CCT6A: variants seen among roughly 807,000 people sequenced by gnomAD.
CCT6A encodes T-complex protein 1 subunit zeta.
CCT6A carries 6 observed loss-of-function variants against 58.6 expected under a neutral mutation model. The ratio of observed to expected loss-of-function variants is 0.10; its 90% CI spans 0.06 to 0.20. The LOEUF (loss-of-function observed/expected upper bound fraction) is 0.20, where lower values mean the gene tolerates loss of function less well. CCT6A is among the 10% of genes least tolerant of loss of function. The pLI, the probability that CCT6A is intolerant of heterozygous loss-of-function variation, is 1.00. For synonymous variants in CCT6A, 245 were observed against 227.8 expected (o/e 1.08, Z -0.68); for missense variants, 516 against 648.8 (o/e 0.80, Z 2.22).
intron 6 of CCT6A, 45 bp from the exon 7 acceptor site, chr7:56,058,313 GCTTT>G: frequency 1.4e-6 from 2 of 1,384,562 alleles, no homozygotes; most frequent in Non-Finnish European, 9.9e-7. Context: ...TTCAGAAGCT[GCTTT>G]CTTAATGTTT....
chr7:56,059,248 A>C (rs1290892849), intron 8 of CCT6A, among the ~76,000 whole-genome samples: 1 of 151,812 alleles, frequency 6.6e-6, no homozygotes, highest in Non-Finnish European at 1.5e-5. Context: ...TGATCCACCC[A>C]CCTCAACCTC....
chr7:56,057,357 T>G (rs1237295539), intron 5 of CCT6A, among the ~76,000 whole-genome samples: 2 of 132,742 alleles, frequency 1.5e-5, no homozygotes, highest in Non-Finnish European at 3.5e-5. Flanking sequence ...TGTTTTCCCT[T>G]TGGGGTGTGT....
chr7:56,058,723 T>C, intron 8 of CCT6A, 21 bp downstream of exon 8: 1 of 1,410,108 alleles, frequency 7.1e-7, no homozygotes, highest in Non-Finnish European at 9.9e-7. Context: ...AATTTGACTT[T>C]TACTCATTTT....
chr7:56,052,103 C>T (rs1293626177), intron 1 of CCT6A, 118 bp downstream of exon 1: 2 of 910,810 alleles, frequency 2.2e-6, no homozygotes, highest in Non-Finnish European at 3.0e-6. Flanking sequence ...TCCTTCTCGG[C>T]GTCCTCCGGG....
intron 2 of CCT6A, among the ~76,000 whole-genome samples, chr7:56,052,997 T>A (rs1483019671): frequency 2.0e-5 from 3 of 152,194 alleles, no homozygotes; most frequent in African/African-American, 7.2e-5. Context: ...TTTCACCGTG[T>A]TGGCCAGGCT....
rs2117316678 is a variant in CCT6A, at chr7:56,051,926, A to G, written c.78A>G (p.Ala26=). 1.3e-6 allele frequency: 2 copies of G among 1,550,262 alleles called. No homozygotes were observed. Among genetic ancestry groups the G allele is most frequent in the East Asian group, 2.5e-5 (1 of 40,766 alleles). Residue 26 remains alanine, a synonymous_variant, in exon 1 of 14, where the codon GCA becomes GCG. Transcript: ENST00000275603. ...CGGCGCTGGCGGTCAACATCAGCGC[A>G]GCGCGGGGTCTGCAGGACGTGCTAA... The part of the protein sequence containing the change: ...AQAALAVNIS[A]ARGLQDVLRT...
rs372041889 is a variant in CCT6A, at chr7:56,062,762, T to G, written c.1523+7T>G. On this transcript the variant is annotated splice_region_variant and intron_variant, in intron 13 of 13. Coordinates refer to ENST00000275603, the MANE Select transcript of CCT6A (RefSeq NM_001762.4). ...AACAGCTTCTTCACTCCTGGTAAGT[T>G]TGGGAAAATGAAAACTAAACTGTTA... 31 of 1,602,456 alleles carry G rather than the reference T, an allele frequency of 1.9e-5. No homozygotes were observed. In the African/African-American group the frequency reaches 3.8e-4, roughly 19 times the overall value.
At chr7:56,054,525 G>A (rs779835837) in intron 3 of CCT6A, 22 bp downstream of exon 3, 1 of 1,595,904 alleles carries the variant, frequency 6.3e-7, no homozygotes, top group Non-Finnish European at 8.5e-7. Context: ...TCTTGTTTCT[G>A]TAATTTTTTT....
chr7:56,062,240 A>G (rs1278359524), intron 12 of CCT6A, among the ~76,000 whole-genome samples: 2 of 152,254 alleles, frequency 1.3e-5, no homozygotes, highest in Non-Finnish European at 2.9e-5. Context: ...GGATGTAGAA[A>G]TCTAGTGAAA....
chr7:56,057,053 C>T (rs1332614602), intron 5 of CCT6A, among the ~76,000 whole-genome samples: 1 of 151,944 alleles, frequency 6.6e-6, no homozygotes, highest in Admixed American at 6.6e-5. Context: ...CCTCGGCCTC[C>T]CAAAGTGCTG....
Position 56,061,761 on chromosome 7 carries a change from C to G in CCT6A, c.1362C>G (p.Asn454Lys). 1 of 1,462,744 alleles carries G rather than the reference C, an allele frequency of 6.8e-7. No homozygotes were observed. The allele number at this position is 1,462,744 out of a possible 1,614,324, so 90.6% of individuals were successfully genotyped here. A position where few individuals can be genotyped will look rare whatever the true frequency, so the allele number is the denominator to read the frequency against. ...LLIIPKVLAQ[N>K]SGFDLQETLV... ...GTTTACTTTAGGTTCTTGCTCAGAA[C>G]TCTGGTTTTGACCTTCAGGAAACAT... Residue 454 changes from asparagine to lysine, a missense_variant, in exon 12 of 14, where the codon AAC (asparagine) becomes AAG (lysine). Around this residue, in one of 3 missense-constraint regions of CCT6A, gnomAD observed 315 missense variants for 389.4 expected, o/e 0.81. Coordinates refer to ENST00000275603, the MANE Select transcript of CCT6A (RefSeq NM_001762.4).
At chr7:56,053,198 T>A (rs1054617215) in intron 2 of CCT6A, among the ~76,000 whole-genome samples, 5 of 152,144 alleles carry the variant, frequency 3.3e-5, no homozygotes, top group Non-Finnish European at 7.3e-5. Context: ...GAATATTAGA[T>A]TATTGAGGGG....
At position 56,051,844 on chromosome 7, in the gene CCT6A, C is replaced by G. The variant is rs749666879; in HGVS notation, c.-5C>G. ...ATCGTTTCCTTTTCCTCCGCTGGAGCAGCTATGGCGGCGGTGAAGACCCTG... is the reference window on the plus strand; with the variant it reads ...ATCGTTTCCTTTTCCTCCGCTGGAGGAGCTATGGCGGCGGTGAAGACCCTG... On this transcript the variant is annotated 5_prime_UTR_variant, in exon 1 of 14. Coordinates refer to ENST00000275603, the MANE Select transcript of CCT6A (RefSeq NM_001762.4). 31 of 1,557,472 alleles carry G rather than the reference C, an allele frequency of 2.0e-5. No individual in the cohort carries two copies. The highest frequency in any genetic ancestry group is 2.6e-5 in the Non-Finnish European group (30 of 1,151,434).
Position 56,056,337 on chromosome 7 carries a change from TAA to T in CCT6A, c.541_542del (p.Lys181AlafsTer3). ...CTGTAGTGGACTCCATTTTGGCCAT[TAA>T]AAAGCAAGATGAACCTATTGATCTC... The part of the protein sequence containing the change: ...EAVVDSILAI[K>X]KQDEPIDLFM... On this transcript the variant is annotated frameshift_variant, in exon 5 of 14. Transcript: ENST00000275603. LOFTEE classifies it high-confidence loss of function. The T allele has an allele frequency of 6.3e-7, 1 of 1,595,370 alleles. No homozygotes were observed. The highest frequency in any genetic ancestry group is 8.6e-7 in the Non-Finnish European group (1 of 1,162,852).
chr7:56,058,480 T>C lies in CCT6A; in HGVS notation c.844T>C (p.Cys282Arg). 1 of 1,597,030 alleles carries C rather than the reference T, an allele frequency of 6.3e-7. No homozygotes were observed. Among genetic ancestry groups the C allele is most frequent in the Non-Finnish European group, 8.5e-7 (1 of 1,175,536 alleles). The change falls in exon 7 of 14, where the codon TGT (cysteine) becomes CGT (arginine). Residue 282 changes from cysteine to arginine, a missense_variant. By Grantham distance (180) the Cys-to-Arg change is radical. Transcript: ENST00000275603. ...AATAATAGAACTGAAAAGGAAAGTC[T>C]GTGGCGATTCAGATAAAGGATTTGT... Reference protein sequence around the residue: ...KKIIELKRKVCGDSDKGFVVI... With the variant: ...KKIIELKRKVRGDSDKGFVVI...
intron 10 of CCT6A, 26 bp downstream of exon 10, chr7:56,060,442 CTT>C (rs750543525): frequency 1.2e-6 from 2 of 1,611,854 alleles, no homozygotes; most frequent in Non-Finnish European, 8.5e-7. Context: ...TATTTCAATT[CTT>C]TTATATTGTT....
chr7:56,059,673 C>A (rs766409952), intron 9 of CCT6A, 33 bp downstream of exon 9: 8 of 1,017,212 alleles, frequency 7.9e-6, no homozygotes, highest in African/African-American at 3.2e-5. Flanking sequence ...GGTAATAGAA[C>A]CTTTTAGCTC....
intron 12 of CCT6A, 33 bp from the exon 13 acceptor site, chr7:56,062,650 C>T (rs1794484465): frequency 6.4e-7 from 1 of 1,570,336 alleles, no homozygotes; most frequent in Non-Finnish European, 8.8e-7. Context: ...TTCTTACTGA[C>T]TGAACTTATT....
chr7:56,055,868 AAT>A (rs1256383684), intron 4 of CCT6A, 71 bp downstream of exon 4: 8 of 1,127,480 alleles, frequency 7.1e-6, no homozygotes, highest in Non-Finnish European at 1.0e-5. Flanking sequence ...TAGAAACATG[AAT>A]ATGATTACCA....
Sources: gnomAD v4.1 joint callset for allele counts (sites outside exome capture counted in the v4.1 genomes callset) on GRCh38, gnomAD v4.1.1 for gene constraint, gnomAD v4.1.1 regional missense constraint, MANE v1.5 for transcripts, NCBI Gene and HGNC (gene_info 2026-07-23, HGNC 2026-07-21) for gene names.